Variants in IL12RB2 observed in about 807,000 individuals in gnomAD.
IL12RB2 encodes interleukin 12 receptor subunit beta 2, also known as interleukin-12 receptor subunit beta-2.
In IL12RB2, 82 loss-of-function variants were observed where a neutral mutation model predicts 89.4. That is an observed-to-expected ratio of 0.92 (90% CI 0.77 to 1.10). The LOEUF is 1.10. IL12RB2 is among the 50% of genes least tolerant of loss of function. The pLI, the probability that IL12RB2 is intolerant of heterozygous loss-of-function variation, is 0.00. For missense variants in IL12RB2, 963 were observed against 1,031.9 expected (o/e 0.93, Z 0.92); for synonymous variants, 368 against 370.1 (o/e 0.99, Z 0.07).
chr1:67,345,216 A>T (rs1660083044), intron 9 of IL12RB2, among the ~76,000 whole-genome samples: 1 of 152,182 alleles, frequency 6.6e-6, no homozygotes, highest in African/African-American at 2.4e-5. Flanking sequence ...AGTGGGGAAA[A>T]GATTTAGTGT....
intron 11 of IL12RB2, among the ~76,000 whole-genome samples, chr1:67,371,032 G>T (rs1663245021): frequency 6.6e-6 from 1 of 152,186 alleles, no homozygotes; most frequent in Admixed American, 6.5e-5. Context: ...GGCGGTGGTT[G>T]GTTGGCCCCT....
At chr1:67,318,473 T>G (rs1289694991) in intron 2 of IL12RB2, among the ~76,000 whole-genome samples, 2 of 151,862 alleles carry the variant, frequency 1.3e-5, no homozygotes, top group East Asian at 3.9e-4. Flanking sequence ...GAGATGACAG[T>G]GGTTTGGACT....
chr1:67,385,963 C>A (rs768047751), intron 14 of IL12RB2, among the ~76,000 whole-genome samples: 39 of 152,124 alleles, frequency 2.6e-4, no homozygotes, highest in Non-Finnish European at 4.9e-4. Flanking sequence ...GTAATCCCAG[C>A]ACTTTGGGAG....
chr1:67,333,506 T>C (rs1346617384), intron 8 of IL12RB2, among the ~76,000 whole-genome samples: 1 of 151,956 alleles, frequency 6.6e-6, no homozygotes, highest in Non-Finnish European at 1.5e-5. Flanking sequence ...TCCGGGTGGA[T>C]TGGTGTAGTT....
chr1:67,327,760 A>T (rs1657525004), intron 5 of IL12RB2, among the ~76,000 whole-genome samples: 1 of 152,212 alleles, frequency 6.6e-6, no homozygotes, highest in African/African-American at 2.4e-5. Context: ...TCTAACCTAA[A>T]GGAAACATCT....
intron 13 of IL12RB2, among the ~76,000 whole-genome samples, chr1:67,375,110 G>A (rs1339055963): frequency 2.0e-5 from 3 of 152,012 alleles, no homozygotes; most frequent in Admixed American, 2.0e-4. Context: ...GTACACAAAA[G>A]GAGGCTGGGC....
At position 67,381,861 on chromosome 1, in the gene IL12RB2, CTGTAA is replaced by C. The variant is rs947325614; in HGVS notation, c.1855+1740_1855+1744del. Among the ~76,000 whole-genome samples, 164 of 151,960 alleles carry C rather than the reference CTGTAA, an allele frequency of 1.1e-3. 1 individual carries two copies. Among genetic ancestry groups the C allele is most frequent in the African/African-American group, 3.8e-3 (159 of 41,426 alleles). On this transcript the variant is annotated intron_variant, in intron 14 of 16. Coordinates refer to ENST00000674203, the MANE Select transcript of IL12RB2 (RefSeq NM_001374259.2). ...ATTAGGTGGGAGCGGTGGTACATGCCTGTAATCCCAGCTACTTGGGAGGCTGAGGC... is the reference window on the plus strand; with the variant it reads ...ATTAGGTGGGAGCGGTGGTACATGCCTCCCAGCTACTTGGGAGGCTGAGGC...
rs546604151 is a variant in IL12RB2 at position 67,321,357 on chromosome 1, G to A, written c.77-245G>A. On this transcript the variant is annotated intron_variant, in intron 3 of 16. Coordinates refer to ENST00000674203, the MANE Select transcript of IL12RB2 (RefSeq NM_001374259.2). ...CTTTCTAACCACTTTCCTGGTTATA[G>A]TTCTGATTATAGTATTACTGTTATG... Among the ~76,000 whole-genome samples, 11 of 152,196 alleles carry A rather than the reference G, an allele frequency of 7.2e-5. No homozygotes were observed. In the East Asian group the frequency reaches 2.1e-3, roughly 29 times the overall value.
At chr1:67,326,128 G>A (rs1041309292) in intron 4 of IL12RB2, among the ~76,000 whole-genome samples, 6 of 152,182 alleles carry the variant, frequency 3.9e-5, no homozygotes, top group African/African-American at 7.2e-5. Flanking sequence ...GGTATAGCCC[G>A]GGAGGACATG....
At chr1:67,351,755 T>G (rs1660872621) in intron 10 of IL12RB2, among the ~76,000 whole-genome samples, 1 of 152,216 alleles carries the variant, frequency 6.6e-6, no homozygotes, top group Non-Finnish European at 1.5e-5. Flanking sequence ...CCAATTACCT[T>G]TATCAGAAAA....
At chr1:67,360,392 G>A (rs1436090506) in intron 10 of IL12RB2, among the ~76,000 whole-genome samples, 1 of 146,108 alleles carries the variant, frequency 6.8e-6, no homozygotes, top group African/African-American at 2.5e-5. Context: ...GAGCAAGACT[G>A]TCTCAGAAAG....
intron 13 of IL12RB2, among the ~76,000 whole-genome samples, chr1:67,374,126 C>T (rs575662023): frequency 2.6e-5 from 4 of 152,318 alleles, no homozygotes; most frequent in South Asian, 2.1e-4. Flanking sequence ...CTGATCTACA[C>T]CTTGCTTTTA....
At chr1:67,372,404 C>T (rs766213504) in intron 11 of IL12RB2, 32 bp from the exon 12 acceptor site, 13 of 1,142,184 alleles carry the variant, frequency 1.1e-5, no homozygotes, top group East Asian at 4.7e-5. Context: ...AGTAATGGCA[C>T]GGCTGTTATG....
In IL12RB2 at chr1:67,369,257, C is replaced by T. The variant is rs1419259657; in HGVS notation, c.1459+1232C>T. On this transcript the variant is annotated intron_variant, in intron 11 of 16. Coordinates refer to ENST00000674203, the MANE Select transcript of IL12RB2 (RefSeq NM_001374259.2). ...AGCCTGGAACTTCTAATCTGGAAACCATTTAGCCTAGAAAGAGAATTCTAG... is the reference window on the plus strand; with the variant it reads ...AGCCTGGAACTTCTAATCTGGAAACTATTTAGCCTAGAAAGAGAATTCTAG... Among the ~76,000 whole-genome samples the T allele has an allele frequency of 4.6e-5, 7 of 152,228 alleles. No individual in the cohort carries two copies. The South Asian group carries it at 8.3e-4, about 18-fold the overall frequency.
intron 16 of IL12RB2, among the ~76,000 whole-genome samples, chr1:67,393,278 C>T (rs1666020879): frequency 6.6e-6 from 1 of 152,162 alleles, no homozygotes; most frequent in African/African-American, 2.4e-5. Flanking sequence ...AAGGGGATTG[C>T]TGGAGTGTTA....
chr1:67,314,258 A>AT (rs566287208), intron 2 of IL12RB2, among the ~76,000 whole-genome samples: 36 of 152,062 alleles, frequency 2.4e-4, no homozygotes, highest in African/African-American at 6.0e-4. Context: ...AGGAATTAAG[A>AT]TTTTTTTTAC....
chr1:67,323,954 T>C (rs998986043), intron 4 of IL12RB2, among the ~76,000 whole-genome samples: 1 of 152,182 alleles, frequency 6.6e-6, no homozygotes, highest in Non-Finnish European at 1.5e-5. Context: ...CCCAATACAT[T>C]GCAGTATATT....
At chr1:67,380,431 G>A (rs1267248897) in intron 14 of IL12RB2, among the ~76,000 whole-genome samples, 10 of 152,166 alleles carry the variant, frequency 6.6e-5, no homozygotes, top group Non-Finnish European at 4.4e-5. Flanking sequence ...CTGTAGGCAA[G>A]GATTGATATC....
At chr1:67,390,864 T>C (rs911253596) in intron 16 of IL12RB2, among the ~76,000 whole-genome samples, 1 of 152,150 alleles carries the variant, frequency 6.6e-6, no homozygotes, top group African/African-American at 2.4e-5. Flanking sequence ...CCTGGGGCTT[T>C]GACAACTCCA....
Sources: gnomAD v4.1 joint callset for allele counts (sites outside exome capture counted in the v4.1 genomes callset) on GRCh38, gnomAD v4.1.1 for gene constraint, MANE v1.5 for transcripts, NCBI Gene and HGNC (gene_info 2026-07-23, HGNC 2026-07-21) for gene names.